Variants in MTBP observed in about 807,000 individuals in gnomAD.
MTBP encodes mdm2-binding protein.
In MTBP, 101 loss-of-function variants were observed where a neutral mutation model predicts 117.0. The observed-to-expected ratio is 0.86, with a 90% CI of 0.73 to 1.02. The LOEUF (loss-of-function observed/expected upper bound fraction) is 1.02, where lower values mean the gene tolerates loss of function less well. Among genes scored for constraint, MTBP ranks in the 50% least tolerant of loss-of-function variants. The pLI, the probability that MTBP is intolerant of heterozygous loss-of-function variation, is 0.00. For synonymous variants in MTBP, 350 were observed against 351.5 expected, an observed-to-expected ratio of 1.00 and a Z score of 0.05; for missense variants, 970 against 1,030.9, an observed-to-expected ratio of 0.94 and a Z score of 0.81.
At chr8:120,507,148 A>C (rs967868500) in intron 16 of MTBP, among the ~76,000 whole-genome samples, 2 of 151,810 alleles carry the variant, frequency 1.3e-5, no homozygotes, top group African/African-American at 4.8e-5. Context: ...AATGCTTTCT[A>C]AAAAAAATAG....
chr8:120,505,149 G>A (rs1814664073), intron 15 of MTBP, among the ~76,000 whole-genome samples: 1 of 151,984 alleles, frequency 6.6e-6, no homozygotes, highest in African/African-American at 2.4e-5. Flanking sequence ...ATAGGGCCCT[G>A]TTGCTTTCTA....
At chr8:120,483,702 A>G (rs1254751612) in intron 11 of MTBP, among the ~76,000 whole-genome samples, 1 of 152,164 alleles carries the variant, frequency 6.6e-6, no homozygotes, top group African/African-American at 2.4e-5. Flanking sequence ...GATGCAACTA[A>G]TAGACACTTG....
At chr8:120,514,824 C>G (rs1271482775) in intron 17 of MTBP, among the ~76,000 whole-genome samples, 1 of 151,966 alleles carries the variant, frequency 6.6e-6, no homozygotes, top group Non-Finnish European at 1.5e-5. Flanking sequence ...ATCACAATAG[C>G]TTTTTCAGAT....
intron 13 of MTBP, among the ~76,000 whole-genome samples, chr8:120,496,173 G>C (rs12674727): frequency 0.041 from 6,188 of 152,230 alleles, 319 homozygotes; most frequent in East Asian, 0.19. Context: ...AGTCTGCAGA[G>C]AAAATACATC....
chr8:120,467,690 C>T (rs868126058), intron 10 of MTBP, among the ~76,000 whole-genome samples: 1 of 152,120 alleles, frequency 6.6e-6, no homozygotes, highest in East Asian at 1.9e-4. Context: ...AGATCATCCT[C>T]AAGTCTCTCA....
chr8:120,509,037 T>C (rs1814748134), intron 16 of MTBP, among the ~76,000 whole-genome samples: 1 of 152,166 alleles, frequency 6.6e-6, no homozygotes, highest in African/African-American at 2.4e-5. Flanking sequence ...AACATGCCAG[T>C]TGATTGAAAA....
At chr8:120,494,421 A>C (rs1814411041) in intron 13 of MTBP, among the ~76,000 whole-genome samples, 1 of 152,344 alleles carries the variant, frequency 6.6e-6, no homozygotes, top group South Asian at 2.1e-4. Flanking sequence ...TGAAAAATCA[A>C]GTGATACTGA....
chr8:120,498,610 G>T (rs1035923445), intron 14 of MTBP, among the ~76,000 whole-genome samples: 2 of 152,196 alleles, frequency 1.3e-5, no homozygotes, highest in Non-Finnish European at 2.9e-5. Context: ...TTCCTAAATT[G>T]CTTAGGCAGT....
rs777725407 is a variant in MTBP, at chr8:120,455,570, A to G, written c.620A>G (p.His207Arg). The change falls in exon 6 of 22, where the codon CAT becomes CGT. Residue 207 changes from histidine to arginine, a missense_variant. Transcript: ENST00000305949. ...GCAAAGATCACTATAGCAGGAAATCATTGTGAAATGTAAGCTTCTTTGTTC... is the reference window on the plus strand; with the variant it reads ...GCAAAGATCACTATAGCAGGAAATCGTTGTGAAATGTAAGCTTCTTTGTTC... ...YSAKITIAGN[H>R]CEINCQKIAE... 2 of 1,608,482 alleles carry G rather than the reference A, an allele frequency of 1.2e-6. No individual in the cohort carries two copies. The highest frequency in any genetic ancestry group is 2.2e-5 in the South Asian group (2 of 90,896).
intron 13 of MTBP, among the ~76,000 whole-genome samples, chr8:120,496,728 A>G (rs957453272): frequency 6.6e-6 from 1 of 152,128 alleles, no homozygotes; most frequent in African/African-American, 2.4e-5. Context: ...AAAGAAAAAA[A>G]AATGCAAGCA....
chr8:120,477,952 A>T (rs139727762), intron 11 of MTBP, among the ~76,000 whole-genome samples: 146 of 152,326 alleles, frequency 9.6e-4, no homozygotes, highest in Non-Finnish European at 1.6e-3. Context: ...ACACATGCAC[A>T]TATATGCTTA....
intron 14 of MTBP, among the ~76,000 whole-genome samples, chr8:120,498,644 G>T (rs1814520084): frequency 6.6e-6 from 1 of 152,198 alleles, no homozygotes; most frequent in South Asian, 2.1e-4. Flanking sequence ...GTAAGTGCTG[G>T]TTAAATAAAT....
intron 20 of MTBP, 37 bp from the exon 21 acceptor site, chr8:120,522,617 G>A (rs1217190943): frequency 3.1e-6 from 4 of 1,310,838 alleles, no homozygotes; most frequent in South Asian, 1.3e-5. Flanking sequence ...GTAATTTAAT[G>A]TGCAGATTGT....
chr8:120,501,187 T>A (rs1170508812), intron 14 of MTBP, among the ~76,000 whole-genome samples: 1 of 21,042 alleles, frequency 4.8e-5, no homozygotes, highest in Non-Finnish European at 9.5e-5. Context: ...TGAAACTCCA[T>A]CTCAAAAAAA....
intron 11 of MTBP, among the ~76,000 whole-genome samples, chr8:120,486,902 A>G (rs1427806866): frequency 6.6e-6 from 1 of 152,166 alleles, no homozygotes; most frequent in African/African-American, 2.4e-5. Flanking sequence ...ATGTTTCTTA[A>G]TTTGGTATAT....
At chr8:120,446,350 G>C in intron 1 of MTBP, 83 bp from the exon 2 acceptor site, 1 of 823,160 alleles carries the variant, frequency 1.2e-6, no homozygotes. Flanking sequence ...TACTGGTCTT[G>C]AGAGTCTCTG....
At chr8:120,491,411 T>G (rs908266732) in intron 13 of MTBP, among the ~76,000 whole-genome samples, 2 of 152,172 alleles carry the variant, frequency 1.3e-5, no homozygotes, top group Non-Finnish European at 2.9e-5. Context: ...ACTTTTTCAA[T>G]TGTAAAAATC....
chr8:120,504,040 G>C (rs1400239583), intron 15 of MTBP, among the ~76,000 whole-genome samples: 1 of 152,096 alleles, frequency 6.6e-6, no homozygotes, highest in Non-Finnish European at 1.5e-5. Flanking sequence ...GGACTGTGGG[G>C]ATATCTGGAA....
At chr8:120,474,915 A>C (rs772866554) in intron 11 of MTBP, among the ~76,000 whole-genome samples, 5 of 152,108 alleles carry the variant, frequency 3.3e-5, no homozygotes, top group Non-Finnish European at 5.9e-5. Context: ...TAGTTATGGT[A>C]TTAATGGTAA....
Sources: allele counts gnomAD v4.1 joint callset (sites outside exome capture counted in the v4.1 genomes callset), GRCh38; gene constraint gnomAD v4.1.1; transcripts MANE v1.5; gene names NCBI Gene and HGNC (gene_info 2026-07-23, HGNC 2026-07-21).